SEC16A: variants seen among roughly 807,000 people sequenced by gnomAD.
SEC16A encodes SEC16 homolog A, endoplasmic reticulum export factor, also known as protein transport protein Sec16A.
A neutral mutation model predicts 221.9 loss-of-function variants in SEC16A; 110 were observed. That is an observed-to-expected ratio of 0.50 (90% CI 0.42 to 0.58). SEC16A has a LOEUF of 0.58. Ranked by LOEUF, SEC16A falls within the 20% of genes least tolerant of loss-of-function variation. The pLI is 0.00. For missense variants in SEC16A, 3,165 were observed against 3,097.8 expected (o/e 1.02, Z -0.52); for synonymous variants, 1,393 against 1,257.7 (o/e 1.11, Z -2.28).
intron 30 of SEC16A, 70 bp from the exon 31 acceptor site, chr9:136,443,970 C>A (rs2131728444): frequency 9.3e-7 from 1 of 1,071,454 alleles, no homozygotes. Flanking sequence ...AGTGCAGATA[C>A]AGACACCGCT....
intron 22 of SEC16A, among the ~76,000 whole-genome samples, chr9:136,451,645 G>A (rs973467510): frequency 3.3e-5 from 5 of 152,180 alleles, no homozygotes; most frequent in African/African-American, 4.8e-5. Flanking sequence ...AAGCAGCTCC[G>A]TCTGGGAGCA....
Position 136,457,458 on chromosome 9 carries a change from T to C in SEC16A, c.5536A>G (p.Ser1846Gly), listed in dbSNP as rs1160143715. The change falls in exon 18 of 32, where the codon AGC becomes GGC. Residue 1846 changes from serine (S) to glycine (G), a missense_variant. Ser to Gly is a moderately conservative substitution (Grantham distance 56). Transcript: ENST00000684901. ...QPHLYSPVLI[S>G]QLVQMASQLR... ...AGGGGCAGCACCTGCACAAGCTGGC[T>C]GATCAACACCGGGGAATACAGGTGC... The C allele has an allele frequency of 3.1e-6, 5 of 1,604,640 alleles. No homozygotes were observed. The highest frequency in any genetic ancestry group is 2.7e-5 in the African/African-American group (2 of 74,724).
upstream of SEC16A, chr9:136,484,187 C>T (rs1842738402): frequency 4.1e-6 from 1 of 244,154 alleles, no homozygotes. Flanking sequence ...TTCGTTCCCC[C>T]GGCCGCCAGC....
At chr9:136,469,243 C>A (rs1254069302) in intron 4 of SEC16A, among the ~76,000 whole-genome samples, 1 of 152,116 alleles carries the variant, frequency 6.6e-6, no homozygotes, top group Non-Finnish European at 1.5e-5. Flanking sequence ...GTGCAGGGTA[C>A]CCCCGTCAGA....
chr9:136,483,737 C>A, upstream of SEC16A: 14 of 985,452 alleles, frequency 1.4e-5, no homozygotes, highest in Non-Finnish European at 1.6e-5. Context: ...AGCGCGGGGC[C>A]CTGACGCGGG....
chr9:136,477,680 T>A lies in SEC16A; in HGVS notation c.-65A>T. On this transcript the variant is annotated 5_prime_UTR_variant, in exon 3 of 32. Coordinates refer to ENST00000684901, the MANE Select transcript of SEC16A (RefSeq NM_014866.2). ...AAGCAGGATATAGCTGTTCCTTAATTGGAGCTGGAAAAGAAAAAGAGAAAA... is the reference window on the plus strand; with the variant it reads ...AAGCAGGATATAGCTGTTCCTTAATAGGAGCTGGAAAAGAAAAAGAGAAAA... 1 of 1,475,072 alleles carries A rather than the reference T, an allele frequency of 6.8e-7. No individual in the cohort carries two copies. 91.4% of individuals were successfully genotyped at this position (1,475,072 alleles called of 1,614,324 possible). A position where few individuals can be genotyped will look rare whatever the true frequency, so the allele number is the denominator to read the frequency against.
chr9:136,472,025 G>C lies in SEC16A; in HGVS notation c.3654C>G (p.Pro1218=), dbSNP rs372888287. ...GGCTGGCTCGGGAGCTGGGCCGCTC[G>C]GGCTCGGGATAGCGGTAGTTCTGGG... ...AYAQNYRYPE[P]ERPSSRASHS... The change falls in exon 4 of 32, where the codon CCC becomes CCG. Residue 1218 remains proline (P), a synonymous_variant. Coordinates refer to ENST00000684901, the MANE Select transcript of SEC16A (RefSeq NM_014866.2). 6 of 1,611,978 alleles carry C rather than the reference G, an allele frequency of 3.7e-6. No homozygotes were observed. The South Asian group carries it at 4.4e-5, about 12-fold the overall frequency.
intron 8 of SEC16A, among the ~76,000 whole-genome samples, 178 bp downstream of exon 8, chr9:136,465,784 G>T (rs1237068497): frequency 6.6e-6 from 1 of 152,172 alleles, no homozygotes; most frequent in African/African-American, 2.4e-5. Context: ...AACTGCAATC[G>T]AAGAGACAGC....
chr9:136,482,944 G>A lies in SEC16A; in HGVS notation c.-198C>T. ...CCCGCGCTCGCCCCCTCACCCGCGCGGCTGAGACCGATCCCTCAGGAGCCG... is the reference window on the plus strand; with the variant it reads ...CCCGCGCTCGCCCCCTCACCCGCGCAGCTGAGACCGATCCCTCAGGAGCCG... On this transcript the variant is annotated 5_prime_UTR_variant, in exon 1 of 32. Transcript: ENST00000684901. 1.0e-6 allele frequency: 1 copy of A among 983,214 alleles called. No homozygotes were observed. Among genetic ancestry groups the A allele is most frequent in the South Asian group, 4.7e-5 (1 of 21,230 alleles). 60.9% of individuals were successfully genotyped at this position (983,214 alleles called of 1,614,324 possible).
At chr9:136,470,570 G>C (rs1840724324) in intron 4 of SEC16A, among the ~76,000 whole-genome samples, 1 of 152,172 alleles carries the variant, frequency 6.6e-6, no homozygotes, top group Admixed American at 6.5e-5. Flanking sequence ...CTCAAATCCT[G>C]GGAATTTTCT....
intron 30 of SEC16A, 65 bp from the exon 31 acceptor site, chr9:136,443,965 A>G: frequency 8.8e-7 from 1 of 1,137,356 alleles, no homozygotes; most frequent in Non-Finnish European, 1.3e-6. Flanking sequence ...CTTCAAGTGC[A>G]GATACAGACA....
At chr9:136,458,278 T>C (rs1838982423) in intron 17 of SEC16A, among the ~76,000 whole-genome samples, 1 of 152,010 alleles carries the variant, frequency 6.6e-6, no homozygotes, top group Non-Finnish European at 1.5e-5. Context: ...CTCTCATGTA[T>C]GTTTTATAGA....
At chr9:136,469,332 G>A (rs987886908) in intron 4 of SEC16A, among the ~76,000 whole-genome samples, 19 of 152,238 alleles carry the variant, frequency 1.2e-4, no homozygotes, top group African/African-American at 4.6e-4. Flanking sequence ...CGTGGTGTCA[G>A]ATTCCTACAC....
rs754597454 is a variant in SEC16A at position 136,455,740 on chromosome 9, G to A, written c.5718C>T (p.Gly1906=). Residue 1906 remains glycine, a synonymous_variant, in exon 20 of 32, where the codon GGC becomes GGT. Coordinates refer to ENST00000684901, the MANE Select transcript of SEC16A (RefSeq NM_014866.2). ...ACTGCTCCATCTCGGAACTCGGAGT[G>A]CCAGGACACTGCTGCGGGAGGGCTC... ...QDGALPQQCP[G]TPSSEMEQLD... 5.0e-6 allele frequency: 8 copies of A among 1,598,974 alleles called. No individual in the cohort carries two copies. The Admixed American group carries it at 1.4e-4, about 27-fold the overall frequency.
Position 136,440,367 on chromosome 9 carries a change from A to G in SEC16A, c.*1388T>C, listed in dbSNP as rs1446851076. The G allele has an allele frequency of 6.6e-6, 1 of 152,500 alleles. No individual in the cohort carries two copies. Among genetic ancestry groups the G allele is most frequent in the Non-Finnish European group, 1.5e-5 (1 of 68,054 alleles). The allele number at this position is 152,500 out of a possible 1,614,324, so 9.4% of individuals were successfully genotyped here. A position where few individuals can be genotyped will look rare whatever the true frequency, so the allele number is the denominator to read the frequency against. On this transcript the variant is annotated 3_prime_UTR_variant, in exon 32 of 32. Transcript: ENST00000684901. ...ATCCAGCGGGACACGCCTGTGGAAC[A>G]TTTTGGAAAACATCCTGGGTGGTCT... is the stretch of plus-strand genomic sequence containing the variant.
intron 31 of SEC16A, among the ~76,000 whole-genome samples, chr9:136,442,135 C>T (rs1229119838): frequency 6.6e-6 from 1 of 152,188 alleles, no homozygotes; most frequent in Non-Finnish European, 1.5e-5. Flanking sequence ...GTCCAGAGTC[C>T]AGGGACAAGT....
In SEC16A at chr9:136,447,248, T is replaced by C. The variant is rs201162968; in HGVS notation, c.6676A>G (p.Asn2226Asp). ...CTACCTGGGGTTGGCACGAACAAGT[T>C]AGAAGGAATTGGGAGTGGCGCGAGT... The part of the protein sequence containing the change: ...APLAPLPIPS[N>D]LFVPTPDAEE... Residue 2226 changes from asparagine (N) to aspartate (D), a missense_variant, in exon 27 of 32, where the codon AAC becomes GAC. By Grantham distance (23) the Asn-to-Asp change is conservative. Coordinates refer to ENST00000684901, the MANE Select transcript of SEC16A (RefSeq NM_014866.2). This position sits in a 1 kb window ranked among gnomAD's most constrained non-coding sequence, Gnocchi z 5.5. The C allele has an allele frequency of 3.8e-4, 612 of 1,596,526 alleles. 3 individuals carry two copies. The African/African-American group carries it at 7.5e-3, about 20-fold the overall frequency.
intron 23 of SEC16A, among the ~76,000 whole-genome samples, chr9:136,450,320 G>A (rs540139609): frequency 6.6e-6 from 1 of 152,226 alleles, no homozygotes; most frequent in East Asian, 1.9e-4. Context: ...CCATAATACA[G>A]AAAGGACTCC....
intron 4 of SEC16A, among the ~76,000 whole-genome samples, chr9:136,470,555 A>G (rs1181726689): frequency 6.6e-6 from 1 of 152,240 alleles, no homozygotes; most frequent in African/African-American, 2.4e-5. Flanking sequence ...GGTGACACAC[A>G]GTAGCTCAAA....
Sources: allele counts gnomAD v4.1 joint callset (sites outside exome capture counted in the v4.1 genomes callset), GRCh38; gene constraint gnomAD v4.1.1; non-coding constraint Gnocchi (gnomAD v3.1); transcripts MANE v1.5; gene names NCBI Gene and HGNC (gene_info 2026-07-23, HGNC 2026-07-21).